The following GINM1 variants were observed in gnomAD, a reference collection of about 807,000 sequenced individuals.
GINM1 encodes the protein glycosylated integral membrane protein 1.
GINM1 carries 29 observed loss-of-function variants against 37.8 expected under a neutral mutation model. That is an observed-to-expected ratio of 0.77 (90% confidence interval 0.57 to 1.05). The LOEUF (loss-of-function observed/expected upper bound fraction) is 1.05. Ranked by LOEUF, GINM1 falls within the 50% of genes least tolerant of loss-of-function variation. GINM1 has a pLI of 0.00. For missense variants in GINM1, 377 were observed against 397.9 expected (o/e 0.95, Z 0.45); for synonymous variants, 143 against 146.2 (o/e 0.98, Z 0.16).
chr6:149,580,560 C>A, intron 5 of GINM1, 33 bp from the exon 6 acceptor site: 1 of 1,588,666 alleles, frequency 6.3e-7, no homozygotes, highest in Non-Finnish European at 8.6e-7. Context: ...AAGACACCAG[C>A]ATTTTGGTAA....
At chr6:149,586,486 T>C (rs867650329) in intron 7 of GINM1, among the ~76,000 whole-genome samples, 2 of 152,158 alleles carry the variant, frequency 1.3e-5, no homozygotes, top group African/African-American at 2.4e-5. Flanking sequence ...GGAAAAACTT[T>C]CCAAATCTAG....
chr6:149,579,050 TTTTA>T (rs1043496282), intron 4 of GINM1, 77 bp downstream of exon 4: 68 of 897,736 alleles, frequency 7.6e-5, no homozygotes, highest in African/African-American at 1.4e-4. Flanking sequence ...TGTTCAGTTA[TTTTA>T]TTTGTTTCCG....
chr6:149,574,598 T>G (rs1279373788), intron 3 of GINM1, among the ~76,000 whole-genome samples: 1 of 152,142 alleles, frequency 6.6e-6, no homozygotes, highest in Admixed American at 6.5e-5. Flanking sequence ...ATCAATAGAT[T>G]AGTACTTTTG....
At chr6:149,576,557 C>G (rs756475981) in intron 3 of GINM1, among the ~76,000 whole-genome samples, 23 of 151,906 alleles carry the variant, frequency 1.5e-4, no homozygotes, top group Non-Finnish European at 4.4e-5. Context: ...TCAAGACCAG[C>G]CTAGGCAAGA....
chr6:149,574,040 A>G (rs995741658), intron 3 of GINM1, among the ~76,000 whole-genome samples: 5 of 142,532 alleles, frequency 3.5e-5, no homozygotes, highest in Non-Finnish European at 7.5e-5. Context: ...CAAAGAATAT[A>G]CATAGGATTT....
chr6:149,587,136 T>G (rs1778080691), intron 7 of GINM1, among the ~76,000 whole-genome samples: 2 of 152,204 alleles, frequency 1.3e-5, no homozygotes, highest in Admixed American at 1.3e-4. Context: ...CTATTCTTTT[T>G]ATGGCTGCAT....
rs188874345 is a variant in GINM1, at chr6:149,577,752, T to A, written c.278-1070T>A. ...TATCTGGATTCCTGTTTGGCAAAAATCTTCAGATTATTTGAGGGATAGAAA... is the reference window on the plus strand; with the variant it reads ...TATCTGGATTCCTGTTTGGCAAAAAACTTCAGATTATTTGAGGGATAGAAA... On this transcript the variant is annotated intron_variant, in intron 3 of 7. Coordinates refer to ENST00000367419, the MANE Select transcript of GINM1 (RefSeq NM_138785.5). Among the ~76,000 whole-genome samples the A allele has an allele frequency of 5.3e-3, 805 of 152,204 alleles. 3 individuals are homozygous for A. The highest frequency in any genetic ancestry group is 8.3e-3 in the Admixed American group (127 of 15,270).
Position 149,566,991 on chromosome 6 carries a change from C to A in GINM1, c.120+457C>A, listed in dbSNP as rs1416496133. Reference sequence around the variant, plus strand: ...CCTGCGATCGCGAGGGTCCGCCGTTCCGAGGCTGCGGGGCTCCGCCGGGCT... The same window carrying A: ...CCTGCGATCGCGAGGGTCCGCCGTTACGAGGCTGCGGGGCTCCGCCGGGCT... On this transcript the variant is annotated intron_variant, in intron 1 of 7. Transcript: ENST00000367419. This position sits in a 1 kb window ranked among gnomAD's most constrained non-coding sequence, Gnocchi z 4.4. Among the ~76,000 whole-genome samples the A allele has an allele frequency of 6.6e-6, 1 of 152,246 alleles. No individual in the cohort carries two copies. The highest frequency in any genetic ancestry group is 1.5e-5 in the Non-Finnish European group (1 of 68,038).
intron 7 of GINM1, among the ~76,000 whole-genome samples, chr6:149,585,152 G>A (rs924096839): frequency 6.6e-6 from 1 of 152,144 alleles, no homozygotes; most frequent in African/African-American, 2.4e-5. Flanking sequence ...AAACGGTGTT[G>A]TAATGTTTTT....
In GINM1 at chr6:149,566,673, G is replaced by A. The variant is rs1207257596; in HGVS notation, c.120+139G>A. 4 of 1,195,064 alleles carry A rather than the reference G, an allele frequency of 3.3e-6. No individual in the cohort carries two copies. The African/African-American group carries it at 4.9e-5, about 15-fold the overall frequency. 74.0% of individuals were successfully genotyped at this position (1,195,064 alleles called of 1,614,324 possible). A position where few individuals can be genotyped will look rare whatever the true frequency, so the allele number is the denominator to read the frequency against. The stretch of plus-strand genomic sequence containing the variant: ...GCCCCCGAAGGAGGTGTGGGGAGAA[G>A]CACCCCAGGAAATGGGGGCGGCGTG... On this transcript the variant is annotated intron_variant, in intron 1 of 7. Transcript: ENST00000367419. This position sits in a 1 kb window ranked among gnomAD's most constrained non-coding sequence, Gnocchi z 4.4.
chr6:149,566,608 G>A lies in GINM1; in HGVS notation c.120+74G>A. On this transcript the variant is annotated intron_variant, in intron 1 of 7. Transcript: ENST00000367419. This position sits in a 1 kb window ranked among gnomAD's most constrained non-coding sequence, Gnocchi z 4.4. ...GGAGGCCCGGGCTGTCCACAGTGACGCTTCCCACATCCCACCGGCGGGCAG... is the reference window on the plus strand; with the variant it reads ...GGAGGCCCGGGCTGTCCACAGTGACACTTCCCACATCCCACCGGCGGGCAG... 7.2e-7 allele frequency: 1 copy of A among 1,384,106 alleles called. No homozygotes were observed. The highest frequency in any genetic ancestry group is 9.4e-7 in the Non-Finnish European group (1 of 1,066,686). The allele number at this position is 1,384,106 out of a possible 1,614,324, so 85.7% of individuals were successfully genotyped here.
intron 7 of GINM1, among the ~76,000 whole-genome samples, chr6:149,586,072 G>T (rs1179892149): frequency 6.6e-6 from 1 of 152,108 alleles, no homozygotes; most frequent in Non-Finnish European, 1.5e-5. Context: ...AAGCCATTTT[G>T]TGTTGCTTAT....
chr6:149,579,742 G>T, intron 4 of GINM1, 92 bp from the exon 5 acceptor site: 2 of 685,508 alleles, frequency 2.9e-6, no homozygotes, highest in Non-Finnish European at 4.8e-6. Context: ...ACATGTTTTA[G>T]TTATATAAAT....
chr6:149,580,072 T>A lies in GINM1; in HGVS notation c.586+82T>A, dbSNP rs1394595605. On this transcript the variant is annotated intron_variant, in intron 5 of 7. Coordinates refer to ENST00000367419, the MANE Select transcript of GINM1 (RefSeq NM_138785.5). ...CTTTATATACTCTTGAACTTTGTTA[T>A]TTTTTACACTATTTGCAAAAGTTGC... The A allele has an allele frequency of 4.7e-6, 4 of 847,104 alleles. No homozygotes were observed. In the African/African-American group the frequency reaches 7.0e-5, roughly 15 times the overall value. 52.5% of individuals were successfully genotyped at this position (847,104 alleles called of 1,614,324 possible).
At position 149,569,863 on chromosome 6, in the gene GINM1, A is replaced by C. The variant is rs527925826; in HGVS notation, c.121-2422A>C. On this transcript the variant is annotated intron_variant, in intron 1 of 7. Transcript: ENST00000367419. ...GAAGAATTGAAGATTTTTAGGGAGAAACTTTTCAGTGTCCCCAAGCACTTT... is the reference window on the plus strand; with the variant it reads ...GAAGAATTGAAGATTTTTAGGGAGACACTTTTCAGTGTCCCCAAGCACTTT... 9.9e-5 allele frequency among the ~76,000 whole-genome samples: 15 copies of C among 151,910 alleles called. No homozygotes were observed. The South Asian group carries it at 3.1e-3, about 32-fold the overall frequency.
At chr6:149,583,105 G>A (rs1370594217) in intron 7 of GINM1, among the ~76,000 whole-genome samples, 1 of 152,122 alleles carries the variant, frequency 6.6e-6, no homozygotes, top group Non-Finnish European at 1.5e-5. Context: ...AAGGCAGGTG[G>A]ATCATGAGGT....
In GINM1 at chr6:149,582,455, A is replaced by G; in HGVS notation, c.733A>G (p.Met245Val). ...CCTTTTTCAGGTAATGTGTCAGTGG[A>G]TGGAAAAGTTTAGAAAAGATCTGTG... ...PSSYKVMCQW[M>V]EKFRKDLCRF... is the part of the protein sequence containing the mutation. Residue 245 changes from methionine to valine, a missense_variant, in exon 7 of 8, where the codon ATG becomes GTG. Met to Val is a conservative substitution (Grantham distance 21, BLOSUM62 1). Transcript: ENST00000367419. 8 of 1,605,486 alleles carry G rather than the reference A, an allele frequency of 5.0e-6. No individual in the cohort carries two copies. The highest frequency in any genetic ancestry group is 6.8e-6 in the Non-Finnish European group (8 of 1,178,258).
chr6:149,573,187 C>G (rs1307674847), intron 3 of GINM1, among the ~76,000 whole-genome samples: 1 of 152,010 alleles, frequency 6.6e-6, no homozygotes, highest in African/African-American at 2.4e-5. Flanking sequence ...CGCCTGTAAT[C>G]CCAGCTACTC....
At chr6:149,570,136 T>TA (rs1777789017) in intron 1 of GINM1, among the ~76,000 whole-genome samples, 1 of 45,818 alleles carries the variant, frequency 2.2e-5, no homozygotes. Flanking sequence ...TAGGTAGGTT[T>TA]TATATATATA....
Sources: allele counts gnomAD v4.1 joint callset (sites outside exome capture counted in the v4.1 genomes callset), GRCh38; gene constraint gnomAD v4.1.1; non-coding constraint Gnocchi (gnomAD v3.1); transcripts MANE v1.5; gene names NCBI Gene and HGNC (gene_info 2026-07-23, HGNC 2026-07-21).